Variants in PSORS1C1 observed in about 807,000 individuals in gnomAD.
PSORS1C1 encodes the protein psoriasis susceptibility 1 candidate 1, also known as psoriasis susceptibility 1 candidate gene 1 protein.
A neutral mutation model predicts 9.4 loss-of-function variants in PSORS1C1; 7 were observed. That is an observed-to-expected ratio of 0.75 (90% CI 0.42 to 1.40). The LOEUF is 1.40. Ranked by LOEUF, PSORS1C1 falls within the 40% of genes most tolerant of loss-of-function variation. The probability of loss-of-function intolerance (pLI) is 0.01; values close to 1 mark genes in which losing one functional copy is unlikely to be tolerated. For missense variants in PSORS1C1, 146 were observed against 178.1 expected (o/e 0.82, Z 1.02); for synonymous variants, 63 against 69.4 (o/e 0.91, Z 0.46).
chr6:31,137,440 C>G (rs968631560), intron 3 of PSORS1C1: 1 of 152,326 alleles, frequency 6.6e-6, no homozygotes, highest in Non-Finnish European at 1.5e-5. Context: ...GGCGACAGAG[C>G]GAGACTTCGT....
At chr6:31,124,105 A>G (rs772212678) in intron 1 of PSORS1C1, among the ~76,000 whole-genome samples, 10 of 152,190 alleles carry the variant, frequency 6.6e-5, no homozygotes, top group Non-Finnish European at 1.5e-4. Context: ...ATGACCTACA[A>G]CACCAGGTTA....
intron 5 of PSORS1C1, 41 bp downstream of exon 5, chr6:31,138,820 A>G: frequency 6.2e-7 from 1 of 1,613,214 alleles, no homozygotes; most frequent in Non-Finnish European, 8.5e-7. Flanking sequence ...TCCCCCACCC[A>G]ATGTGTCCAG....
At chr6:31,135,107 T>C (rs3130568) in intron 3 of PSORS1C1, among the ~76,000 whole-genome samples, 87,130 of 152,222 alleles carry the variant, frequency 0.57, 26,216 homozygotes, top group African/African-American at 0.77. Flanking sequence ...TGAGCCACCT[T>C]GCCCAGCCCC....
intron 3 of PSORS1C1, chr6:31,138,142 TC>T: frequency 1.9e-6 from 3 of 1,605,672 alleles, no homozygotes; most frequent in Non-Finnish European, 2.5e-6. Flanking sequence ...GGCAGGTCTC[TC>T]CAGGGACGAC....
Position 31,139,849 on chromosome 6 carries a change from TC to T in PSORS1C1, c.378del (p.Ala127ProfsTer25), listed in dbSNP as rs771625851. The T allele has an allele frequency of 6.2e-7, 1 of 1,613,036 alleles. No homozygotes were observed. Among genetic ancestry groups the T allele is most frequent in the South Asian group, 1.1e-5 (1 of 91,082 alleles). ...TCCTCCTCCCTCAGGAATCCACCTA[TC>T]CGCCTCTAGGACCTTGGCTCCAACT... ...PLPPPSGIHL[S>X]ASRTLAPTLL... On this transcript the variant is annotated frameshift_variant, in exon 6 of 6. Coordinates refer to ENST00000259881, the MANE Select transcript of PSORS1C1 (RefSeq NM_014068.3). LOFTEE classifies it low-confidence loss of function (END_TRUNC). The surrounding 1 kb of genome is among the most constrained non-coding windows in gnomAD (Gnocchi z 5.2).
rs1773302278 is a variant in PSORS1C1, at chr6:31,138,796, C to A, written c.167+17C>A. 2 of 1,613,990 alleles carry A rather than the reference C, an allele frequency of 1.2e-6. No individual in the cohort carries two copies. Among genetic ancestry groups the A allele is most frequent in the African/African-American group, 2.7e-5 (2 of 74,902 alleles). Reference sequence around the variant, plus strand: ...CCATTTCTGGTGAGAGCCAAATGCACCTTCTGCACCATGTCCCCCACCCAA... The same window carrying A: ...CCATTTCTGGTGAGAGCCAAATGCAACTTCTGCACCATGTCCCCCACCCAA... On this transcript the variant is annotated intron_variant, in intron 5 of 5. Coordinates refer to ENST00000259881, the MANE Select transcript of PSORS1C1 (RefSeq NM_014068.3).
chr6:31,139,174 G>C lies in PSORS1C1; in HGVS notation c.167+395G>C. 1 of 654,334 alleles carries C rather than the reference G, an allele frequency of 1.5e-6. No individual in the cohort carries two copies. The allele number at this position is 654,334 out of a possible 1,614,324, so 40.5% of individuals were successfully genotyped here. On this transcript the variant is annotated intron_variant, in intron 5 of 5. Coordinates refer to ENST00000259881, the MANE Select transcript of PSORS1C1 (RefSeq NM_014068.3). This position sits in a 1 kb window ranked among gnomAD's most constrained non-coding sequence, Gnocchi z 5.2. Reference sequence around the variant, plus strand: ...AGAACTGGTCAAACCCGTTGGGAAGGCCTGGGCTGATGTGTCACCCCTGAA... The same window carrying C: ...AGAACTGGTCAAACCCGTTGGGAAGCCCTGGGCTGATGTGTCACCCCTGAA...
At chr6:31,121,102 A>G (rs1772438154) in intron 1 of PSORS1C1, among the ~76,000 whole-genome samples, 2 of 147,502 alleles carry the variant, frequency 1.4e-5, no homozygotes, top group South Asian at 2.2e-4. Flanking sequence ...GAAATGGGGC[A>G]CCACATTCCC....
At chr6:31,116,833 C>G in intron 1 of PSORS1C1, 1 of 1,614,014 alleles carries the variant, frequency 6.2e-7, no homozygotes, top group Non-Finnish European at 8.5e-7. Context: ...GGCACCAGAA[C>G]CGTGCTGGTC....
At chr6:31,122,179 G>T (rs1412647624) in intron 1 of PSORS1C1, among the ~76,000 whole-genome samples, 1 of 152,202 alleles carries the variant, frequency 6.6e-6, no homozygotes, top group African/African-American at 2.4e-5. Context: ...CTGTGAAATG[G>T]GGGTATTTTA....
chr6:31,116,330 C>T (rs752456724), intron 1 of PSORS1C1: 8 of 1,613,496 alleles, frequency 5.0e-6, no homozygotes, highest in Non-Finnish European at 5.9e-6. Flanking sequence ...CTGAAGGAGC[C>T]GGTGCCTGGT....
At chr6:31,137,967 C>A (rs756296016) in intron 3 of PSORS1C1, 2 of 1,496,484 alleles carry the variant, frequency 1.3e-6, no homozygotes, top group Non-Finnish European at 1.8e-6. Context: ...GTACTCTTCC[C>A]GGGGTGGGTC....
rs186482934 is a variant in PSORS1C1, at chr6:31,131,181, G to A, written c.13+1536G>A. ...CGGGTTATTTTACTCCAATCATTCC[G>A]ATCTACTCTTTGTTAATTGGGCCCT... On this transcript the variant is annotated intron_variant, in intron 3 of 5. Transcript: ENST00000259881. Among the ~76,000 whole-genome samples, 111 of 152,040 alleles carry A rather than the reference G, an allele frequency of 7.3e-4. No individual in the cohort carries two copies. In the East Asian group the frequency reaches 9.6e-3, roughly 13 times the overall value.
At chr6:31,138,210 C>A in intron 3 of PSORS1C1, 1 of 1,571,018 alleles carries the variant, frequency 6.4e-7, no homozygotes, top group Non-Finnish European at 8.6e-7. Context: ...CCAAGGGTCA[C>A]CGGGGACTGG....
At chr6:31,116,589 C>G (rs772598990) in intron 1 of PSORS1C1, 1 of 1,613,618 alleles carries the variant, frequency 6.2e-7, no homozygotes, top group South Asian at 1.1e-5. Flanking sequence ...AGATGGGGGG[C>G]CCAGCTGCAA....
At chr6:31,130,952 G>A (rs1772885471) in intron 3 of PSORS1C1, among the ~76,000 whole-genome samples, 1 of 151,684 alleles carries the variant, frequency 6.6e-6, no homozygotes, top group African/African-American at 2.4e-5. Context: ...CTCAGCCTCT[G>A]GAATAGCTGG....
At chr6:31,138,068 G>A (rs1389510582) in intron 3 of PSORS1C1, 3 of 1,545,260 alleles carry the variant, frequency 1.9e-6, no homozygotes, top group Non-Finnish European at 2.6e-6. Context: ...GCCAAGGGTC[G>A]TCAGGCCGGG....
Position 31,139,399 on chromosome 6 carries a change from G to A in PSORS1C1, c.168-242G>A. On this transcript the variant is annotated intron_variant, in intron 5 of 5. Coordinates refer to ENST00000259881, the MANE Select transcript of PSORS1C1 (RefSeq NM_014068.3). The surrounding 1 kb of genome is among the most constrained non-coding windows in gnomAD (Gnocchi z 5.2). ...GCAACTATTGGAAGCCAAAGAATGG[G>A]AGCAAACCACGCGATGGGCGTTGGG... 1.7e-6 allele frequency: 1 copy of A among 594,326 alleles called. No homozygotes were observed. Among genetic ancestry groups the A allele is most frequent in the Non-Finnish European group, 3.0e-6 (1 of 333,932 alleles). 36.8% of individuals were successfully genotyped at this position (594,326 alleles called of 1,614,324 possible).
In PSORS1C1 at chr6:31,120,280, C is replaced by T. The variant is rs1485475167; in HGVS notation, c.-229+5389C>T. The T allele has an allele frequency of 2.9e-6, 4 of 1,373,736 alleles. No individual in the cohort carries two copies. The South Asian group carries it at 3.7e-5, about 13-fold the overall frequency. 85.1% of individuals were successfully genotyped at this position (1,373,736 alleles called of 1,614,324 possible). On this transcript the variant is annotated intron_variant, in intron 1 of 5. Coordinates refer to ENST00000259881, the MANE Select transcript of PSORS1C1 (RefSeq NM_014068.3). ...CTGCCTGTCCCCTTCGCTGGGTCCT[C>T]TCCCGGAGTCTCCCTCCCGCCTCCC...
Sources: gnomAD v4.1 joint callset for allele counts (sites outside exome capture counted in the v4.1 genomes callset) on GRCh38, gnomAD v4.1.1 for gene constraint, Gnocchi (gnomAD v3.1) non-coding constraint, MANE v1.5 for transcripts, NCBI Gene and HGNC (gene_info 2026-07-23, HGNC 2026-07-21) for gene names.